The following CHMP3 variants were observed in gnomAD, a reference collection of about 807,000 sequenced individuals.
CHMP3 encodes 25.1 protein.
CHMP3 carries 8 observed loss-of-function variants against 27.4 expected under a neutral mutation model. The ratio of observed to expected loss-of-function variants is 0.29; its 90% confidence interval spans 0.17 to 0.53. The LOEUF is 0.53. CHMP3 is among the 20% of genes least tolerant of loss of function. CHMP3 has a pLI of 0.96. For synonymous variants in CHMP3, 86 were observed against 85.5 expected (o/e 1.01, Z -0.03); for missense variants, 208 against 271.5 (o/e 0.77, Z 1.64).
chr2:86,509,063 G>A (rs1031513773), intron 4 of CHMP3, among the ~76,000 whole-genome samples: 1 of 150,874 alleles, frequency 6.6e-6, no homozygotes, highest in Non-Finnish European at 1.5e-5. Flanking sequence ...TGACTAAGAT[G>A]TGTTCTTGCC....
intron 3 of CHMP3, among the ~76,000 whole-genome samples, chr2:86,518,976 A>T (rs886569276): frequency 2.0e-5 from 3 of 152,206 alleles, no homozygotes; most frequent in Non-Finnish European, 4.4e-5. Flanking sequence ...CATGGCTTTT[A>T]ATATTAAGGA....
At chr2:86,547,124 C>A (rs373010982) in intron 1 of CHMP3, among the ~76,000 whole-genome samples, 25 of 152,318 alleles carry the variant, frequency 1.6e-4, no homozygotes, top group African/African-American at 6.0e-4. Context: ...ATACCCCCAC[C>A]TCTTTTGGAG....
chr2:86,512,885 C>T lies in CHMP3; in HGVS notation c.287-2406G>A, dbSNP rs527388601. Among the ~76,000 whole-genome samples the T allele has an allele frequency of 3.9e-5, 6 of 152,258 alleles. No homozygotes were observed. In the East Asian group the frequency reaches 9.6e-4, roughly 24 times the overall value. On this transcript the variant is annotated intron_variant, in intron 3 of 5. Transcript: ENST00000263856. ...GACCACTGACAATACCAAATGCTGG[C>T]GAGAATGTGCAGCAACAGGAACTCT...
chr2:86,554,810 T>TGC (rs571670029), intron 1 of CHMP3, among the ~76,000 whole-genome samples: 2,298 of 105,854 alleles, frequency 0.022, 86 homozygotes, highest in East Asian at 0.21. Context: ...TAAATGTGTG[T>TGC]GCGCGCGTGT....
At chr2:86,513,564 G>A (rs937069462) in intron 3 of CHMP3, among the ~76,000 whole-genome samples, 1 of 152,202 alleles carries the variant, frequency 6.6e-6, no homozygotes, top group Non-Finnish European at 1.5e-5. Context: ...TCTTGTGTGG[G>A]ATGTTGACAG....
intron 4 of CHMP3, among the ~76,000 whole-genome samples, chr2:86,508,107 G>T (rs1558642692): frequency 2.0e-5 from 3 of 152,182 alleles, no homozygotes; most frequent in Non-Finnish European, 2.9e-5. Context: ...CCAGAATGGG[G>T]TAATCTGGTA....
At chr2:86,510,701 C>T (rs1675072533) in intron 3 of CHMP3, 1 of 524,084 alleles carries the variant, frequency 1.9e-6, no homozygotes. Context: ...AGCATGCACA[C>T]CACATGACCA....
intron 3 of CHMP3, among the ~76,000 whole-genome samples, chr2:86,514,150 G>C (rs1675205909): frequency 6.6e-6 from 1 of 152,194 alleles, no homozygotes; most frequent in Non-Finnish European, 1.5e-5. Flanking sequence ...TCCTGACTCT[G>C]AGAAAGCACT....
chr2:86,523,008 A>C (rs1190492930), intron 3 of CHMP3, among the ~76,000 whole-genome samples: 1 of 152,130 alleles, frequency 6.6e-6, no homozygotes, highest in Non-Finnish European at 1.5e-5. Context: ...TCTCCCCAAA[A>C]TACTTTTCCT....
intron 2 of CHMP3, among the ~76,000 whole-genome samples, chr2:86,535,255 CAAAAAAA>C (rs574431905): frequency 1.3e-4 from 8 of 61,656 alleles, no homozygotes; most frequent in Admixed American, 3.6e-4. Context: ...ACCCTATCTC[CAAAAAAA>C]AAAAAAAAAA....
intron 2 of CHMP3, among the ~76,000 whole-genome samples, chr2:86,537,853 A>G (rs1052778890): frequency 4.6e-5 from 7 of 152,332 alleles, no homozygotes; most frequent in African/African-American, 1.4e-4. Flanking sequence ...CATGGAAAAC[A>G]GTAAATGGTT....
intron 3 of CHMP3, among the ~76,000 whole-genome samples, chr2:86,526,867 C>G (rs910714089): frequency 1.3e-5 from 2 of 151,982 alleles, no homozygotes; most frequent in Non-Finnish European, 2.9e-5. Flanking sequence ...CTGCACCCTG[C>G]CTACATTTAT....
chr2:86,524,365 G>A (rs1466256825), intron 3 of CHMP3, among the ~76,000 whole-genome samples: 1 of 152,116 alleles, frequency 6.6e-6, no homozygotes, highest in Non-Finnish European at 1.5e-5. Context: ...CATATCTGTG[G>A]GTTCAGTGTT....
chr2:86,559,925 C>T (rs1677279965), intron 1 of CHMP3, among the ~76,000 whole-genome samples: 2 of 152,252 alleles, frequency 1.3e-5, no homozygotes, highest in South Asian at 2.1e-4. Flanking sequence ...CTGTATTAGT[C>T]GGTTCTTACA....
At chr2:86,519,084 C>G (rs959959230) in intron 3 of CHMP3, among the ~76,000 whole-genome samples, 1 of 152,054 alleles carries the variant, frequency 6.6e-6, no homozygotes, top group Non-Finnish European at 1.5e-5. Flanking sequence ...CATAAAAAAG[C>G]AAAGGAGGGC....
intron 1 of CHMP3, among the ~76,000 whole-genome samples, chr2:86,548,733 G>C (rs974789123): frequency 1.3e-5 from 2 of 151,990 alleles, no homozygotes; most frequent in Non-Finnish European, 2.9e-5. Flanking sequence ...TTCCCAGATG[G>C]GGTGGCCGGG....
Position 86,510,495 on chromosome 2 carries a change from TAC to T in CHMP3, c.287-18_287-17del. ...CGCAAGACCGCTGAAAGAGAATGTGTACAGTCAGGATTGTTCAACAGGATGGA... is the reference window on the plus strand; with the variant it reads ...CGCAAGACCGCTGAAAGAGAATGTGTAGTCAGGATTGTTCAACAGGATGGA... On this transcript the variant is annotated splice_polypyrimidine_tract_variant and intron_variant, in intron 3 of 5. Coordinates refer to ENST00000263856, the MANE Select transcript of CHMP3 (RefSeq NM_016079.4). 1 of 1,610,046 alleles carries T rather than the reference TAC, an allele frequency of 6.2e-7. No individual in the cohort carries two copies. The highest frequency in any genetic ancestry group is 8.5e-7 in the Non-Finnish European group (1 of 1,179,954).
At chr2:86,546,599 G>A (rs779324736) in intron 1 of CHMP3, among the ~76,000 whole-genome samples, 1 of 151,778 alleles carries the variant, frequency 6.6e-6, no homozygotes, top group Non-Finnish European at 1.5e-5. Flanking sequence ...CACCACACCT[G>A]GCTAATTTTT....
intron 1 of CHMP3, among the ~76,000 whole-genome samples, chr2:86,552,725 T>C (rs1303807685): frequency 6.6e-6 from 1 of 152,208 alleles, no homozygotes; most frequent in Non-Finnish European, 1.5e-5. Context: ...ACAGGTTACC[T>C]GTGAGGCATT....
Sources: gnomAD v4.1 joint callset for allele counts (sites outside exome capture counted in the v4.1 genomes callset) on GRCh38, gnomAD v4.1.1 for gene constraint, MANE v1.5 for transcripts, NCBI Gene and HGNC (gene_info 2026-07-23, HGNC 2026-07-21) for gene names.